Variants in NEO1 observed in about 807,000 individuals in gnomAD.
The protein encoded by NEO1 is neogenin.
Under a neutral mutation model 159.7 loss-of-function variants are expected in NEO1, and 63 were observed. That is an observed-to-expected ratio of 0.39 (90% CI 0.32 to 0.49). The LOEUF (loss-of-function observed/expected upper bound fraction) is 0.49. Among genes scored for constraint, NEO1 ranks in the 20% least tolerant of loss-of-function variants. The probability of loss-of-function intolerance (pLI) is 0.85; values close to 1 mark genes in which losing one functional copy is unlikely to be tolerated. For missense variants in NEO1, 1,615 were observed against 1,831.0 expected (o/e 0.88, Z 2.15); for synonymous variants, 633 against 662.0 (o/e 0.96, Z 0.67).
At chr15:73,208,062 C>A (rs1412698323) in intron 7 of NEO1, among the ~76,000 whole-genome samples, 6 of 152,114 alleles carry the variant, frequency 3.9e-5, no homozygotes, top group Non-Finnish European at 8.8e-5. Context: ...TTGATTTTTC[C>A]TTCTGGAAGT....
chr15:73,153,791 T>C (rs2033570034), intron 5 of NEO1, among the ~76,000 whole-genome samples: 1 of 152,186 alleles, frequency 6.6e-6, no homozygotes, highest in Non-Finnish European at 1.5e-5. Context: ...TGTAAAACCC[T>C]ATGTAGAGGT....
chr15:73,195,483 G>A (rs1411426268), intron 7 of NEO1, among the ~76,000 whole-genome samples: 1 of 152,054 alleles, frequency 6.6e-6, no homozygotes, highest in Non-Finnish European at 1.5e-5. Context: ...ATGCTTAAGA[G>A]ACTACCAGAA....
chr15:73,089,520 G>T (rs1256183948), intron 1 of NEO1, among the ~76,000 whole-genome samples: 2 of 151,788 alleles, frequency 1.3e-5, no homozygotes, highest in Non-Finnish European at 2.9e-5. Context: ...ATAAAAATAT[G>T]CAATGCATGG....
Position 73,288,305 on chromosome 15 carries a change from G to A in NEO1, c.3411-8G>A, listed in dbSNP as rs748595760. The A allele has an allele frequency of 4.7e-5, 75 of 1,608,500 alleles. No individual in the cohort carries two copies. Among genetic ancestry groups the A allele is most frequent in the Middle Eastern group, 3.3e-4 (2 of 6,076 alleles). On this transcript the variant is annotated splice_region_variant and splice_polypyrimidine_tract_variant and intron_variant, in intron 23 of 28. Coordinates refer to ENST00000261908, the MANE Select transcript of NEO1 (RefSeq NM_002499.4). Reference sequence around the variant, plus strand: ...CTTTTTAAAAGCTCCTCTGAACTTCGTGCCTAGGAAACGAGCTGCCTGCAA... The same window carrying A: ...CTTTTTAAAAGCTCCTCTGAACTTCATGCCTAGGAAACGAGCTGCCTGCAA...
intron 1 of NEO1, among the ~76,000 whole-genome samples, chr15:73,078,910 G>A (rs1454227472): frequency 6.6e-6 from 1 of 152,212 alleles, no homozygotes; most frequent in Non-Finnish European, 1.5e-5. Flanking sequence ...TAAATGACAA[G>A]CAGGAATTTG....
At chr15:73,093,868 T>C (rs1213512104) in intron 1 of NEO1, among the ~76,000 whole-genome samples, 1 of 152,176 alleles carries the variant, frequency 6.6e-6, no homozygotes, top group Non-Finnish European at 1.5e-5. Context: ...CACGAGCCAC[T>C]GTGCCTGGCC....
chr15:73,097,030 C>G lies in NEO1; in HGVS notation c.131-19510C>G, dbSNP rs115173161. Among the ~76,000 whole-genome samples the G allele has an allele frequency of 2.4e-3, 364 of 152,014 alleles. 3 individuals are homozygous for G. The highest frequency in any genetic ancestry group is 7.5e-3 in the African/African-American group (312 of 41,446). On this transcript the variant is annotated intron_variant, in intron 1 of 28. Coordinates refer to ENST00000261908, the MANE Select transcript of NEO1 (RefSeq NM_002499.4). ...GTCCCAGCTACTCAGGAGATTGAGG[C>G]GGAAGGATCAATTGAGCCCAGGAGG...
intron 1 of NEO1, among the ~76,000 whole-genome samples, chr15:73,093,619 G>A (rs956217530): frequency 6.6e-6 from 1 of 151,458 alleles, no homozygotes; most frequent in African/African-American, 2.4e-5. Flanking sequence ...TGTCACCCAG[G>A]CTGGAGTGCA....
chr15:73,222,248 G>T lies in NEO1; in HGVS notation c.1292-14099G>T, dbSNP rs2038335852. 2.0e-5 allele frequency among the ~76,000 whole-genome samples: 3 copies of T among 151,398 alleles called. No homozygotes were observed. The South Asian group carries it at 6.3e-4, about 32-fold the overall frequency. ...GCCTCCCGAATAGCTGGGACTACAG[G>T]CACCCACCATCACACCCAGCTAATT... On this transcript the variant is annotated intron_variant, in intron 7 of 28. Transcript: ENST00000261908.
intron 27 of NEO1, 89 bp from the exon 28 acceptor site, chr15:73,301,232 C>A (rs1014170084): frequency 6.5e-7 from 1 of 1,546,768 alleles, no homozygotes; most frequent in South Asian, 1.2e-5. Context: ...GTCTCTCTCA[C>A]CCCGAAGCAG....
At chr15:73,185,843 A>G (rs1440002014) in intron 7 of NEO1, among the ~76,000 whole-genome samples, 2 of 152,170 alleles carry the variant, frequency 1.3e-5, no homozygotes, top group East Asian at 3.8e-4. Context: ...TAACATAAGT[A>G]AATTATAAGT....
chr15:73,123,387 C>T (rs1483284986), intron 3 of NEO1, among the ~76,000 whole-genome samples: 1 of 152,090 alleles, frequency 6.6e-6, no homozygotes, highest in African/African-American at 2.4e-5. Context: ...TTCTCTCCAA[C>T]AATAGGATAT....
At chr15:73,249,787 C>T (rs182683904) in intron 11 of NEO1, 66 bp downstream of exon 11, 2 of 1,502,294 alleles carry the variant, frequency 1.3e-6, no homozygotes, top group African/African-American at 2.8e-5. Flanking sequence ...GTTGTAAGAT[C>T]ATGAGCTTTG....
chr15:73,250,226 T>C (rs77263029), intron 11 of NEO1, among the ~76,000 whole-genome samples: 1,659 of 152,160 alleles, frequency 0.011, 21 homozygotes, highest in East Asian at 0.049. Flanking sequence ...CCTAGAGCAG[T>C]GTTTTTCGAA....
At chr15:73,284,580 T>G (rs1321115285) in intron 23 of NEO1, among the ~76,000 whole-genome samples, 1 of 131,368 alleles carries the variant, frequency 7.6e-6, no homozygotes, top group African/African-American at 3.2e-5. Context: ...TAGCTCTTCC[T>G]TTTTTTTTTT....
chr15:73,171,342 C>T (rs1032720722), intron 5 of NEO1, among the ~76,000 whole-genome samples: 4 of 151,940 alleles, frequency 2.6e-5, no homozygotes, highest in Admixed American at 2.6e-4. Context: ...GTAGGAGGAT[C>T]GCTTGAGCCC....
intron 18 of NEO1, among the ~76,000 whole-genome samples, chr15:73,270,799 C>A (rs900367838): frequency 6.6e-6 from 1 of 152,204 alleles, no homozygotes; most frequent in Non-Finnish European, 1.5e-5. Flanking sequence ...GAACACTTTG[C>A]TGGGTGACCC....
chr15:73,168,687 C>G (rs1017319393), intron 5 of NEO1, among the ~76,000 whole-genome samples: 1 of 152,048 alleles, frequency 6.6e-6, no homozygotes, highest in Non-Finnish European at 1.5e-5. Flanking sequence ...TATGATGTCA[C>G]CTGTTTCTCT....
At chr15:73,288,593 C>A in intron 24 of NEO1, 42 bp downstream of exon 24, 1 of 1,509,212 alleles carries the variant, frequency 6.6e-7, no homozygotes, top group Non-Finnish European at 9.2e-7. Flanking sequence ...TGTTAGGAAA[C>A]TATTTTCATT....
Sources: allele counts gnomAD v4.1 joint callset (sites outside exome capture counted in the v4.1 genomes callset), GRCh38; gene constraint gnomAD v4.1.1; transcripts MANE v1.5; gene names NCBI Gene and HGNC (gene_info 2026-07-23, HGNC 2026-07-21).